Variants in MYO6 observed in about 807,000 individuals in gnomAD.
MYO6 encodes the protein unconventional myosin-VI.
A neutral mutation model predicts 178.7 loss-of-function variants in MYO6; 74 were observed. The ratio of observed to expected loss-of-function variants is 0.41; its 90% CI spans 0.34 to 0.50. MYO6 has a LOEUF of 0.50. MYO6 is among the 20% of genes least tolerant of loss of function. The probability of loss-of-function intolerance (pLI) is 0.09; values close to 1 mark genes in which losing one functional copy is unlikely to be tolerated. For synonymous variants in MYO6, 477 were observed against 504.6 expected (o/e 0.95, Z 0.73); for missense variants, 1,330 against 1,547.4 (o/e 0.86, Z 2.36).
Position 75,907,781 on chromosome 6 carries a change from G to GGTGT in MYO6, c.3280+82_3280+85dup, listed in dbSNP as rs957330651. Reference sequence around the variant, plus strand: ...GTGATAAATACCTAGATTAGGGTGAGGTGTGTGTGTGTATGTGTGTGTGTG... The same window carrying GGTGT: ...GTGATAAATACCTAGATTAGGGTGAGGTGTGTGTGTGTGTGTATGTGTGTGTGTG... On this transcript the variant is annotated intron_variant, in intron 31 of 34. Coordinates refer to ENST00000369977, the MANE Select transcript of MYO6 (RefSeq NM_004999.4). 3.1e-4 allele frequency: 322 copies of GGTGT among 1,035,480 alleles called. 1 individual carries two copies. In the African/African-American group the frequency reaches 4.9e-3, roughly 16 times the overall value. 64.1% of individuals were successfully genotyped at this position (1,035,480 alleles called of 1,614,324 possible).
At position 75,908,592 on chromosome 6, in the gene MYO6, C is replaced by A; in HGVS notation, c.3377C>A (p.Thr1126Lys). 6.2e-7 allele frequency: 1 copy of A among 1,613,284 alleles called. No homozygotes were observed. Among genetic ancestry groups the A allele is most frequent in the East Asian group, 2.2e-5 (1 of 44,758 alleles). Residue 1126 changes from threonine to lysine, a missense_variant, in exon 32 of 35, where the codon ACA becomes AAA. This residue lies in a region of MYO6 where 601 missense variants were observed against 626.1 expected (regional missense o/e 0.96). Transcript: ENST00000369977. ...KSKNKKRNTE[T>K]EQRAPKSVTD... Reference sequence around the variant, plus strand: ...AAGAACAAGAAGAGAAATACTGAAACAGAGCAACGTGCTCCAAAGTCTGTT... The same window carrying A: ...AAGAACAAGAAGAGAAATACTGAAAAAGAGCAACGTGCTCCAAAGTCTGTT...
At chr6:75,805,022 T>TATATATA (rs869236276) in intron 1 of MYO6, among the ~76,000 whole-genome samples, 17 of 53,084 alleles carry the variant, frequency 3.2e-4, no homozygotes, top group Middle Eastern at 0.012. Flanking sequence ...TATATATATA[T>TATATATA]TTTTTTTTTT....
intron 3 of MYO6, among the ~76,000 whole-genome samples, chr6:75,824,758 C>G (rs1200443392): frequency 1.4e-5 from 2 of 143,834 alleles, no homozygotes; most frequent in African/African-American, 5.0e-5. Context: ...ACTTTTCGGT[C>G]TAAATTTTTT....
chr6:75,814,895 T>C (rs889615774), intron 1 of MYO6, among the ~76,000 whole-genome samples: 4 of 151,952 alleles, frequency 2.6e-5, no homozygotes, highest in Non-Finnish European at 5.9e-5. Flanking sequence ...TTTCAATTCT[T>C]CTAAGTCTAC....
Position 75,903,745 on chromosome 6 carries a change from TA to T in MYO6, c.3177-3859del, listed in dbSNP as rs1204987933. Among the ~76,000 whole-genome samples the T allele has an allele frequency of 2.5e-4, 38 of 152,284 alleles. No homozygotes were observed. In the East Asian group the frequency reaches 6.2e-3, roughly 25 times the overall value. On this transcript the variant is annotated intron_variant, in intron 30 of 34. Coordinates refer to ENST00000369977, the MANE Select transcript of MYO6 (RefSeq NM_004999.4). ...CATTTACATTTAAAGTTAATATTGTTATCTGTGAATTTGATCCTGTCATTAT... is the reference window on the plus strand; with the variant it reads ...CATTTACATTTAAAGTTAATATTGTTTCTGTGAATTTGATCCTGTCATTAT...
intron 23 of MYO6, among the ~76,000 whole-genome samples, chr6:75,884,290 G>A (rs922968472): frequency 1.3e-5 from 2 of 152,184 alleles, no homozygotes; most frequent in African/African-American, 4.8e-5. Flanking sequence ...GCTTCACTCA[G>A]TATGTTCATT....
chr6:75,764,642 CTT>C (rs1277204832), intron 1 of MYO6, among the ~76,000 whole-genome samples: 1 of 151,958 alleles, frequency 6.6e-6, no homozygotes, highest in African/African-American at 2.4e-5. Context: ...TCTCAGGACT[CTT>C]TTACACACTT....
Position 75,862,736 on chromosome 6 carries a change from A to T in MYO6, c.1674+13A>T, listed in dbSNP as rs6925845. On this transcript the variant is annotated intron_variant, in intron 16 of 34. Coordinates refer to ENST00000369977, the MANE Select transcript of MYO6 (RefSeq NM_004999.4). ...TTTTCGACTCACTGTGAGTTTTGCC[A>T]TTCTGAAATTGAGACTATGGTGGGA... 6.2e-7 allele frequency: 1 copy of T among 1,613,630 alleles called. No individual in the cohort carries two copies. Among genetic ancestry groups the T allele is most frequent in the African/African-American group, 1.3e-5 (1 of 75,012 alleles).
intron 1 of MYO6, among the ~76,000 whole-genome samples, chr6:75,753,455 G>GTGTGTGTATATA (rs370647728): frequency 2.9e-5 from 4 of 140,058 alleles, no homozygotes; most frequent in African/African-American, 8.1e-5. Context: ...GTGTGTGTGT[G>GTGTGTGTATATA]TATATATATA....
At chr6:75,781,171 A>G (rs984406142) in intron 1 of MYO6, among the ~76,000 whole-genome samples, 1 of 152,194 alleles carries the variant, frequency 6.6e-6, no homozygotes, top group African/African-American at 2.4e-5. Context: ...AGTAAAATTG[A>G]TTATTTTGAG....
At chr6:75,842,097 G>T (rs1041417325) in intron 9 of MYO6, among the ~76,000 whole-genome samples, 1 of 152,068 alleles carries the variant, frequency 6.6e-6, no homozygotes, top group Non-Finnish European at 1.5e-5. Context: ...TTTATTGCTT[G>T]CCCATTGGGT....
At chr6:75,779,718 A>G (rs893093883) in intron 1 of MYO6, among the ~76,000 whole-genome samples, 1 of 152,152 alleles carries the variant, frequency 6.6e-6, no homozygotes, top group Non-Finnish European at 1.5e-5. Context: ...TAGAAAGAAA[A>G]AGGTTTTATG....
chr6:75,877,518 C>T (rs758157723), intron 20 of MYO6, among the ~76,000 whole-genome samples: 3 of 152,090 alleles, frequency 2.0e-5, no homozygotes, highest in African/African-American at 2.4e-5. Flanking sequence ...CTGTTTGCCT[C>T]GGCCTCCTGA....
At chr6:75,798,608 A>G (rs1403109206) in intron 1 of MYO6, among the ~76,000 whole-genome samples, 1 of 152,198 alleles carries the variant, frequency 6.6e-6, no homozygotes, top group East Asian at 1.9e-4. Flanking sequence ...CTAGGCATCA[A>G]AGGAACATAA....
chr6:75,845,671 G>A (rs1039015625), intron 10 of MYO6, among the ~76,000 whole-genome samples: 7 of 151,000 alleles, frequency 4.6e-5, no homozygotes, highest in African/African-American at 9.7e-5. Context: ...TCCAGCTTGG[G>A]CAACAGAATT....
intron 11 of MYO6, among the ~76,000 whole-genome samples, chr6:75,854,263 C>G (rs1226135054): frequency 1.1e-4 from 14 of 132,558 alleles, no homozygotes; most frequent in Non-Finnish European, 4.7e-5. Context: ...GGGTCAAGAC[C>G]TAACTGCATT....
intron 1 of MYO6, among the ~76,000 whole-genome samples, chr6:75,815,197 C>G (rs944295451): frequency 2.0e-5 from 3 of 151,982 alleles, no homozygotes; most frequent in Non-Finnish European, 4.4e-5. Context: ...ATTTGTGATC[C>G]CTATTGGAGG....
chr6:75,859,082 G>A (rs1220857280), intron 14 of MYO6, 89 bp downstream of exon 14: 6 of 883,196 alleles, frequency 6.8e-6, no homozygotes, highest in Non-Finnish European at 1.1e-5. Context: ...CCTGATTGGT[G>A]TGGATGGATG....
intron 30 of MYO6, among the ~76,000 whole-genome samples, chr6:75,903,117 A>C (rs1474895123): frequency 6.6e-6 from 1 of 151,938 alleles, no homozygotes; most frequent in Non-Finnish European, 1.5e-5. Flanking sequence ...CTCTTCCTTT[A>C]CATTTGCTGA....
Sources: allele counts gnomAD v4.1 joint callset (sites outside exome capture counted in the v4.1 genomes callset), GRCh38; gene constraint gnomAD v4.1.1; regional missense constraint gnomAD v4.1.1; transcripts MANE v1.5; gene names NCBI Gene and HGNC (gene_info 2026-07-23, HGNC 2026-07-21).